Variants in PALLD observed in about 807,000 individuals in gnomAD.
PALLD encodes palladin.
Under a neutral mutation model 123.5 loss-of-function variants are expected in PALLD, and 61 were observed. The observed-to-expected ratio is 0.49, with a 90% CI of 0.40 to 0.61. The LOEUF (loss-of-function observed/expected upper bound fraction) is 0.61, where lower values mean the gene tolerates loss of function less well. Ranked by LOEUF, PALLD falls within the 20% of genes least tolerant of loss-of-function variation. The pLI is 0.00. For synonymous variants in PALLD, 465 were observed against 496.4 expected (o/e 0.94, Z 0.84); for missense variants, 1,273 against 1,377.0 (o/e 0.92, Z 1.20).
chr4:168,670,000 G>A (rs1474013012), intron 3 of PALLD, among the ~76,000 whole-genome samples: 2 of 152,084 alleles, frequency 1.3e-5, no homozygotes, highest in African/African-American at 4.8e-5. Context: ...TCAAAATGCT[G>A]CATGAATGAA....
chr4:168,713,969 C>CA (rs1785092858), intron 10 of PALLD, among the ~76,000 whole-genome samples: 1 of 52,482 alleles, frequency 1.9e-5, no homozygotes, highest in South Asian at 6.1e-4. Context: ...TTTTTTTTTT[C>CA]AAATCTTCGT....
chr4:168,832,836 G>A (rs1351827154), intron 10 of PALLD: 1 of 152,280 alleles, frequency 6.6e-6, no homozygotes, highest in African/African-American at 2.4e-5. Flanking sequence ...CTGGGCCTGG[G>A]GGCGGCGTGG....
intron 2 of PALLD, among the ~76,000 whole-genome samples, chr4:168,662,941 T>C (rs568731140): frequency 6.6e-6 from 1 of 152,354 alleles, no homozygotes; most frequent in African/African-American, 2.4e-5. Flanking sequence ...CCTTTTCTCA[T>C]ATATGCACTA....
At chr4:168,610,406 G>A (rs1773615685) in intron 2 of PALLD, among the ~76,000 whole-genome samples, 1 of 152,174 alleles carries the variant, frequency 6.6e-6, no homozygotes, top group Non-Finnish European at 1.5e-5. Context: ...CTTCATGTAG[G>A]GCATTGCCCC....
chr4:168,641,659 G>A (rs901188839), intron 2 of PALLD, among the ~76,000 whole-genome samples: 1 of 152,074 alleles, frequency 6.6e-6, no homozygotes, highest in African/African-American at 2.4e-5. Flanking sequence ...TGTCGGCCTC[G>A]GCTGCTCCAG....
chr4:168,875,167 A>AT (rs1751577055), intron 10 of PALLD, among the ~76,000 whole-genome samples: 1 of 152,050 alleles, frequency 6.6e-6, no homozygotes, highest in African/African-American at 2.4e-5. Flanking sequence ...TATTTCCAAA[A>AT]AGTTCAGTTT....
intron 10 of PALLD, among the ~76,000 whole-genome samples, chr4:168,821,406 A>AT (rs201299261): frequency 3.0e-4 from 45 of 150,178 alleles, no homozygotes; most frequent in Admixed American, 8.6e-4. Flanking sequence ...ATACTAAGGT[A>AT]TTTTTTTTTT....
intron 2 of PALLD, among the ~76,000 whole-genome samples, chr4:168,641,124 C>G (rs1776900033): frequency 6.6e-6 from 1 of 151,168 alleles, no homozygotes; most frequent in African/African-American, 2.4e-5. Context: ...AGGAGAATGG[C>G]ATGAACCTGG....
Position 168,878,408 on chromosome 4 carries a change from G to A in PALLD, c.1965-12514G>A, listed in dbSNP as rs1355423115. Reference sequence around the variant, plus strand: ...TGTCACCCCCGCGTGAGTAACCGCCGCGGTCCTCCACTTCCCTGCCCCTCC... The same window carrying A: ...TGTCACCCCCGCGTGAGTAACCGCCACGGTCCTCCACTTCCCTGCCCCTCC... On this transcript the variant is annotated intron_variant, in intron 10 of 21. Coordinates refer to ENST00000505667, the MANE Select transcript of PALLD (RefSeq NM_001166108.2). The A allele has an allele frequency of 4.1e-6, 6 of 1,470,986 alleles. No individual in the cohort carries two copies. In the East Asian group the frequency reaches 1.1e-4, roughly 26 times the overall value. The allele number at this position is 1,470,986 out of a possible 1,614,324, so 91.1% of individuals were successfully genotyped here. A position where few individuals can be genotyped will look rare whatever the true frequency, so the allele number is the denominator to read the frequency against.
intron 2 of PALLD, among the ~76,000 whole-genome samples, chr4:168,634,845 T>A (rs1268574557): frequency 1.3e-5 from 2 of 152,262 alleles, no homozygotes; most frequent in African/African-American, 2.4e-5. Flanking sequence ...TTGGCTGAAC[T>A]GGCTCACAGT....
In PALLD at chr4:168,869,135, C is replaced by A. The variant is rs1450423744; in HGVS notation, c.1965-21787C>A. ...CTAACAAGCCAGAAATATATAAGTA[C>A]TGTTACTTATAAGAGCTCTGATACA... On this transcript the variant is annotated intron_variant, in intron 10 of 21. Coordinates refer to ENST00000505667, the MANE Select transcript of PALLD (RefSeq NM_001166108.2). This position sits in a 1 kb window ranked among gnomAD's most constrained non-coding sequence, Gnocchi z 4.5. Among the ~76,000 whole-genome samples the A allele has an allele frequency of 2.0e-5, 3 of 152,094 alleles. No individual in the cohort carries two copies. Among genetic ancestry groups the A allele is most frequent in the Admixed American group, 2.0e-4 (3 of 15,252 alleles).
At chr4:168,916,230 T>C (rs1331437793) in intron 17 of PALLD, among the ~76,000 whole-genome samples, 1 of 152,086 alleles carries the variant, frequency 6.6e-6, no homozygotes, top group African/African-American at 2.4e-5. Flanking sequence ...CTGGGTAATA[T>C]GGAGAAACCC....
intron 2 of PALLD, among the ~76,000 whole-genome samples, chr4:168,597,125 G>T (rs1772069997): frequency 6.6e-6 from 1 of 151,976 alleles, no homozygotes; most frequent in Non-Finnish European, 1.5e-5. Context: ...TTTTTTTAAA[G>T]ACAACTCTGG....
At chr4:168,661,090 A>G (rs1439028005) in intron 2 of PALLD, among the ~76,000 whole-genome samples, 4 of 151,946 alleles carry the variant, frequency 2.6e-5, no homozygotes, top group Non-Finnish European at 5.9e-5. Flanking sequence ...TTTTTAGTAG[A>G]GACGGGGTTT....
chr4:168,516,669 G>T (rs1292015814), intron 2 of PALLD, among the ~76,000 whole-genome samples: 1 of 152,096 alleles, frequency 6.6e-6, no homozygotes, highest in African/African-American at 2.4e-5. Context: ...ATCCCATGCT[G>T]CAGTTGTTAA....
At chr4:168,668,510 T>C (rs1779871058) in intron 3 of PALLD, 142 bp downstream of exon 3, 1 of 614,694 alleles carries the variant, frequency 1.6e-6, no homozygotes, top group African/African-American at 1.8e-5. Context: ...TGAAAACCTT[T>C]ATAAATTGAA....
intron 2 of PALLD, among the ~76,000 whole-genome samples, chr4:168,643,089 A>G (rs1265663672): frequency 1.3e-5 from 2 of 152,236 alleles, no homozygotes; most frequent in Non-Finnish European, 2.9e-5. Flanking sequence ...CTATTGGGTT[A>G]TAACTTGGCG....
intron 6 of PALLD, among the ~76,000 whole-genome samples, chr4:168,688,395 G>A (rs995971179): frequency 2.0e-5 from 3 of 152,242 alleles, no homozygotes; most frequent in African/African-American, 7.2e-5. Flanking sequence ...CCACAGGACT[G>A]TGGGTAGCAT....
At chr4:168,598,539 G>T in intron 2 of PALLD, 1 of 373,704 alleles carries the variant, frequency 2.7e-6, no homozygotes, top group Non-Finnish European at 5.4e-6. Context: ...AACAGAGAGG[G>T]GGCAGACAGA....
Sources: allele counts gnomAD v4.1 joint callset (sites outside exome capture counted in the v4.1 genomes callset), GRCh38; gene constraint gnomAD v4.1.1; non-coding constraint Gnocchi (gnomAD v3.1); transcripts MANE v1.5; gene names NCBI Gene and HGNC (gene_info 2026-07-23, HGNC 2026-07-21).